The following RPS6KA2 variants were observed in gnomAD, a reference collection of about 807,000 sequenced individuals.
RPS6KA2 encodes ribosomal protein S6 kinase alpha-2.
A neutral mutation model predicts 91.8 loss-of-function variants in RPS6KA2; 42 were observed. That is an observed-to-expected ratio of 0.46 (90% CI 0.36 to 0.59). The LOEUF is 0.59. Among genes scored for constraint, RPS6KA2 ranks in the 20% least tolerant of loss-of-function variants. The pLI, the probability that RPS6KA2 is intolerant of heterozygous loss-of-function variation, is 0.00. For missense variants in RPS6KA2, 798 were observed against 978.5 expected (o/e 0.82, Z 2.46); for synonymous variants, 414 against 393.6 (o/e 1.05, Z -0.61).
chr6:166,801,808 T>C (rs1779373290), intron 2 of RPS6KA2, among the ~76,000 whole-genome samples: 1 of 152,212 alleles, frequency 6.6e-6, no homozygotes, highest in Admixed American at 6.5e-5. Flanking sequence ...TTTTGAGAAA[T>C]CAAATGAGTT....
rs1783369658 is a variant in RPS6KA2 at position 166,533,515 on chromosome 6, A to G, written c.217-2202T>C. Among the ~76,000 whole-genome samples the G allele has an allele frequency of 6.6e-6, 1 of 152,256 alleles. No homozygotes were observed. The highest frequency in any genetic ancestry group is 2.4e-5 in the African/African-American group (1 of 41,468). On this transcript the variant is annotated intron_variant, in intron 2 of 20. Coordinates refer to ENST00000265678, the MANE Select transcript of RPS6KA2 (RefSeq NM_021135.6). This position sits in a 1 kb window ranked among gnomAD's most constrained non-coding sequence, Gnocchi z 4.0. Reference sequence around the variant, plus strand: ...CCGGCATCCTGCAGGTAAGTTGGGCAGTGACACCAGCAAGGGCAGGGGTGT... The same window carrying G: ...CCGGCATCCTGCAGGTAAGTTGGGCGGTGACACCAGCAAGGGCAGGGGTGT...
At chr6:166,702,712 TC>T in intron 2 of RPS6KA2, 1 of 1,301,012 alleles carries the variant, frequency 7.7e-7, no homozygotes, top group Non-Finnish European at 1.1e-6. Context: ...GTCTGGGCAG[TC>T]CACGAACGCG....
At chr6:166,729,875 T>C (rs1790458696) in intron 2 of RPS6KA2, among the ~76,000 whole-genome samples, 1 of 152,202 alleles carries the variant, frequency 6.6e-6, no homozygotes, top group African/African-American at 2.4e-5. Context: ...TGTGACGAAA[T>C]TCAAGGGCCC....
At chr6:166,587,517 C>G (rs1785216958) in intron 1 of RPS6KA2, among the ~76,000 whole-genome samples, 1 of 152,098 alleles carries the variant, frequency 6.6e-6, no homozygotes, top group Admixed American at 6.5e-5. Context: ...ACTCCCAGAA[C>G]AGTACCTGGC....
intron 2 of RPS6KA2, among the ~76,000 whole-genome samples, chr6:166,808,636 C>A (rs1458413837): frequency 1.3e-5 from 2 of 152,134 alleles, no homozygotes; most frequent in Non-Finnish European, 2.9e-5. Context: ...ACAAAAGAAC[C>A]ACGTGTTCAG....
rs1778255829 is a variant in RPS6KA2, at chr6:166,410,172, C to CG, written c.*2589dup. 1.5e-5 allele frequency: 1 copy of CG among 67,172 alleles called. No individual in the cohort carries two copies. The highest frequency in any genetic ancestry group is 1.9e-4 in the Admixed American group (1 of 5,152). The allele number at this position is 67,172 out of a possible 1,614,324, so 4.2% of individuals were successfully genotyped here. ...TATAAGTTCTGTGATTTTCATGACC[C>CG]GGGGGTGGGGGGTTGGGTTATGATG... On this transcript the variant is annotated 3_prime_UTR_variant, in exon 21 of 21. Transcript: ENST00000265678.
chr6:166,525,416 C>T (rs184369063), intron 3 of RPS6KA2, among the ~76,000 whole-genome samples: 7 of 152,172 alleles, frequency 4.6e-5, no homozygotes, highest in African/African-American at 1.2e-4. Flanking sequence ...CGCACCCCAG[C>T]AGTGTGGCCC....
intron 1 of RPS6KA2, among the ~76,000 whole-genome samples, chr6:166,613,809 T>TCACGGCCTTCAGGACACAGTCGGGCTTTC (rs1562341879): frequency 9.5e-6 from 1 of 104,726 alleles, no homozygotes. Context: ...GTCGGGCTTT[T>TCACGGCCTTCAGGACACAGTCGGGCTTTC]CACGGCCTTC....
At chr6:166,467,818 C>T (rs114286671) in intron 11 of RPS6KA2, among the ~76,000 whole-genome samples, 25 of 152,352 alleles carry the variant, frequency 1.6e-4, no homozygotes, top group African/African-American at 2.2e-4. Context: ...ACAAGACCCA[C>T]GGGTGCAGGA....
chr6:166,412,751 G>T lies in RPS6KA2; in HGVS notation c.*11C>A. 1 of 1,584,936 alleles carries T rather than the reference G, an allele frequency of 6.3e-7. No individual in the cohort carries two copies. The highest frequency in any genetic ancestry group is 8.6e-7 in the Non-Finnish European group (1 of 1,166,946). ...TGCTGGCAGGGGACGCTGGGGCCAG[G>T]GTCCCACCCGCTACAGCCGCGTGGA... On this transcript the variant is annotated 3_prime_UTR_variant, in exon 21 of 21. Coordinates refer to ENST00000265678, the MANE Select transcript of RPS6KA2 (RefSeq NM_021135.6). This position sits in a 1 kb window ranked among gnomAD's most constrained non-coding sequence, Gnocchi z 4.3.
At chr6:166,621,938 T>C (rs1786652204) in intron 1 of RPS6KA2, among the ~76,000 whole-genome samples, 1 of 152,156 alleles carries the variant, frequency 6.6e-6, no homozygotes, top group Non-Finnish European at 1.5e-5. Context: ...TCCCACCCAC[T>C]ATTAAATTGC....
At chr6:166,848,882 G>A (rs976548735) in intron 2 of RPS6KA2, among the ~76,000 whole-genome samples, 4 of 151,692 alleles carry the variant, frequency 2.6e-5, no homozygotes, top group Admixed American at 1.3e-4. Context: ...AATACCACCC[G>A]TTCCCCAAAA....
chr6:166,633,012 CA>C (rs1207284928), intron 2 of RPS6KA2, among the ~76,000 whole-genome samples: 2 of 152,194 alleles, frequency 1.3e-5, no homozygotes, highest in Non-Finnish European at 2.9e-5. Flanking sequence ...CCCAGGAGTT[CA>C]AGGCCAACTT....
chr6:166,748,311 C>A (rs1791089234), intron 2 of RPS6KA2, among the ~76,000 whole-genome samples: 1 of 152,104 alleles, frequency 6.6e-6, no homozygotes, highest in Admixed American at 6.5e-5. Flanking sequence ...ACCACCTCCC[C>A]AGGCAGGAGA....
chr6:166,781,048 G>A (rs6926309), intron 2 of RPS6KA2, among the ~76,000 whole-genome samples: 3,053 of 152,306 alleles, frequency 0.02, 83 homozygotes, highest in African/African-American at 0.067. Context: ...TTAAGGACTA[G>A]AAATCTCTCT....
chr6:166,682,355 T>G (rs937128930), intron 2 of RPS6KA2, among the ~76,000 whole-genome samples: 2 of 152,188 alleles, frequency 1.3e-5, no homozygotes, highest in African/African-American at 4.8e-5. Context: ...TGGCTCAGTA[T>G]CCACGTTTGG....
chr6:166,457,950 G>A (rs1195482700), intron 12 of RPS6KA2, among the ~76,000 whole-genome samples: 1 of 152,190 alleles, frequency 6.6e-6, no homozygotes, highest in African/African-American at 2.4e-5. Flanking sequence ...AATCCCCGTA[G>A]ATCCAAGATG....
chr6:166,711,964 T>A (rs1420813979), intron 2 of RPS6KA2, among the ~76,000 whole-genome samples: 2 of 152,036 alleles, frequency 1.3e-5, no homozygotes, highest in Non-Finnish European at 1.5e-5. Context: ...ATTACCAGTA[T>A]CAGGAATGAA....
At chr6:166,486,248 AGCTGTGAG>A (rs201430800) in intron 10 of RPS6KA2, among the ~76,000 whole-genome samples, 55,483 of 151,500 alleles carry the variant, frequency 0.37, 10,641 homozygotes, top group East Asian at 0.56. Context: ...CCCCACACAC[AGCTGTGAG>A]CACACACACA....
Sources: allele counts gnomAD v4.1 joint callset (sites outside exome capture counted in the v4.1 genomes callset), GRCh38; gene constraint gnomAD v4.1.1; non-coding constraint Gnocchi (gnomAD v3.1); transcripts MANE v1.5; gene names NCBI Gene and HGNC (gene_info 2026-07-23, HGNC 2026-07-21).